The following DNER variants were observed in gnomAD, a reference collection of about 807,000 sequenced individuals.
DNER encodes the protein delta/notch like EGF repeat containing.
DNER carries 33 observed loss-of-function variants against 78.2 expected under a neutral mutation model. The observed-to-expected ratio is 0.42, with a 90% CI of 0.32 to 0.56. DNER has a LOEUF of 0.56. DNER is among the 20% of genes least tolerant of loss of function. The pLI, the probability that DNER is intolerant of heterozygous loss-of-function variation, is 0.11. For missense variants in DNER, 918 were observed against 975.3 expected, an observed-to-expected ratio of 0.94 and a Z score of 0.78; for synonymous variants, 417 against 384.8, an observed-to-expected ratio of 1.08 and a Z score of -0.98.
chr2:229,407,157 T>C, intron 10 of DNER, 75 bp downstream of exon 10: 1 of 1,285,870 alleles, frequency 7.8e-7, no homozygotes, highest in Non-Finnish European at 1.1e-6. Context: ...TCATGATGGA[T>C]TTGGGTTTTT....
intron 1 of DNER, among the ~76,000 whole-genome samples, chr2:229,627,108 G>A (rs779793286): frequency 6.6e-6 from 1 of 152,086 alleles, no homozygotes; most frequent in Non-Finnish European, 1.5e-5. Flanking sequence ...AAATCTTTAT[G>A]GTACCTCAAC....
At chr2:229,387,440 C>T (rs961888510) in intron 11 of DNER, among the ~76,000 whole-genome samples, 2 of 147,846 alleles carry the variant, frequency 1.4e-5, no homozygotes, top group Non-Finnish European at 3.0e-5. Flanking sequence ...CAAACCTGCA[C>T]GTTCTGCACA....
chr2:229,363,834 A>T (rs1203913503), intron 12 of DNER, among the ~76,000 whole-genome samples: 2 of 152,144 alleles, frequency 1.3e-5, no homozygotes, highest in Non-Finnish European at 2.9e-5. Context: ...GTAGCCATGG[A>T]TGCCTGTAGG....
intron 1 of DNER, among the ~76,000 whole-genome samples, chr2:229,672,576 A>G (rs914140436): frequency 1.3e-5 from 2 of 151,470 alleles, no homozygotes; most frequent in African/African-American, 4.9e-5. Flanking sequence ...AAGAGGAGAG[A>G]AGAAAGGAGA....
chr2:229,547,205 A>T, intron 4 of DNER, 113 bp from the exon 5 acceptor site: 1 of 1,427,904 alleles, frequency 7.0e-7, no homozygotes, highest in East Asian at 2.5e-5. Context: ...TGTAGGCAGC[A>T]CTCAAGTCTG....
intron 4 of DNER, among the ~76,000 whole-genome samples, chr2:229,548,370 A>G (rs780833419): frequency 6.1e-4 from 93 of 152,256 alleles, no homozygotes; most frequent in Admixed American, 2.0e-4. Flanking sequence ...AGACTGGATT[A>G]AGAAAATGTG....
At chr2:229,544,494 T>C (rs1177720576) in intron 5 of DNER, among the ~76,000 whole-genome samples, 1 of 151,704 alleles carries the variant, frequency 6.6e-6, no homozygotes, top group East Asian at 1.9e-4. Flanking sequence ...AAATGTTATA[T>C]ATCTATTTAT....
At chr2:229,679,008 C>T (rs768642693) in intron 1 of DNER, among the ~76,000 whole-genome samples, 4 of 152,190 alleles carry the variant, frequency 2.6e-5, no homozygotes, top group African/African-American at 4.8e-5. Context: ...GTCTGACACA[C>T]GTGTATGGCA....
chr2:229,624,781 A>G (rs1418119548), intron 1 of DNER, among the ~76,000 whole-genome samples: 5 of 152,232 alleles, frequency 3.3e-5, no homozygotes, highest in Non-Finnish European at 7.3e-5. Context: ...CAGTCTTGAC[A>G]GAGCCAGAGT....
chr2:229,633,704 T>C (rs1359404499), intron 1 of DNER, among the ~76,000 whole-genome samples: 1 of 152,178 alleles, frequency 6.6e-6, no homozygotes, highest in African/African-American at 2.4e-5. Flanking sequence ...CAGCAGCCCG[T>C]TCAGGGCCTG....
chr2:229,563,445 TCATCATCTTCATCATCACCC>T (rs1697008580), intron 4 of DNER, among the ~76,000 whole-genome samples: 1 of 142,086 alleles, frequency 7.0e-6, no homozygotes, highest in African/African-American at 2.7e-5. Context: ...CCCATCACCA[TCATCATCTTCATCATCACCC>T]CATCGCCATT....
intron 1 of DNER, among the ~76,000 whole-genome samples, chr2:229,598,875 C>G (rs1409228610): frequency 6.6e-6 from 1 of 152,038 alleles, no homozygotes. Context: ...GTTTGCATCT[C>G]GAAAGGCCTC....
chr2:229,709,735 C>A (rs1358172357), intron 1 of DNER, among the ~76,000 whole-genome samples: 1 of 152,052 alleles, frequency 6.6e-6, no homozygotes, highest in Non-Finnish European at 1.5e-5. Flanking sequence ...TTATTATAAT[C>A]CTGAAGGATA....
chr2:229,637,963 A>C (rs1698555174), intron 1 of DNER, among the ~76,000 whole-genome samples: 1 of 152,266 alleles, frequency 6.6e-6, no homozygotes. Flanking sequence ...CCATGGAAAT[A>C]ATTGGAATAG....
chr2:229,597,295 A>G (rs1377257555), intron 1 of DNER, among the ~76,000 whole-genome samples: 1 of 152,190 alleles, frequency 6.6e-6, no homozygotes, highest in African/African-American at 2.4e-5. Context: ...ATTTTTTGGG[A>G]AAGCTATCTG....
intron 7 of DNER, among the ~76,000 whole-genome samples, chr2:229,459,463 A>G (rs1559357358): frequency 6.6e-6 from 1 of 152,154 alleles, no homozygotes; most frequent in Non-Finnish European, 1.5e-5. Flanking sequence ...TTCTTACTAC[A>G]TACGGGACAT....
intron 7 of DNER, among the ~76,000 whole-genome samples, chr2:229,468,601 C>A (rs1414441506): frequency 6.6e-6 from 1 of 152,146 alleles, no homozygotes; most frequent in Non-Finnish European, 1.5e-5. Flanking sequence ...AAGCCCCTAC[C>A]CGCCAAATTA....
Position 229,591,912 on chromosome 2 carries a change from C to A in DNER, c.277-24G>T, listed in dbSNP as rs1697615265. On this transcript the variant is annotated intron_variant, in intron 1 of 12. Transcript: ENST00000341772. The surrounding 1 kb of genome is among the most constrained non-coding windows in gnomAD (Gnocchi z 4.6). ...AGCTGAAACGAGACCATAAATGGGT[C>A]AATTATTCCCTCATAAGAAAAGTGG... 6.7e-7 allele frequency: 1 copy of A among 1,483,194 alleles called. No individual in the cohort carries two copies. The highest frequency in any genetic ancestry group is 8.9e-7 in the Non-Finnish European group (1 of 1,119,648). 91.9% of individuals were successfully genotyped at this position (1,483,194 alleles called of 1,614,324 possible).
rs1456596745 is a variant in DNER, at chr2:229,394,544, T to C, written c.1724-6148A>G. On this transcript the variant is annotated intron_variant, in intron 10 of 12. Transcript: ENST00000341772. Reference sequence around the variant, plus strand: ...AAAGGGAATGAAGCGTCTGTGTGGGTAATCCCAGGTGGCAGCCACTTCTAT... The same window carrying C: ...AAAGGGAATGAAGCGTCTGTGTGGGCAATCCCAGGTGGCAGCCACTTCTAT... 2.0e-5 allele frequency among the ~76,000 whole-genome samples: 3 copies of C among 152,210 alleles called. 1 individual carries two copies. Among genetic ancestry groups the C allele is most frequent in the Admixed American group, 1.3e-4 (2 of 15,288 alleles).
Sources: gnomAD v4.1 joint callset for allele counts (sites outside exome capture counted in the v4.1 genomes callset) on GRCh38, gnomAD v4.1.1 for gene constraint, Gnocchi (gnomAD v3.1) non-coding constraint, MANE v1.5 for transcripts, NCBI Gene and HGNC (gene_info 2026-07-23, HGNC 2026-07-21) for gene names.